Variants in LRFN5 observed in about 807,000 individuals in gnomAD.
LRFN5 encodes the protein leucine rich repeat and fibronectin type III domain containing 5.
A neutral mutation model predicts 45.6 loss-of-function variants in LRFN5; 24 were observed. The observed-to-expected ratio is 0.53, with a 90% CI of 0.38 to 0.74. The LOEUF is 0.74. Ranked by LOEUF, LRFN5 falls within the 30% of genes least tolerant of loss-of-function variation. The pLI, the probability that LRFN5 is intolerant of heterozygous loss-of-function variation, is 0.00. For missense variants in LRFN5, 776 were observed against 861.5 expected (o/e 0.90, Z 1.24); for synonymous variants, 340 against 313.8 (o/e 1.08, Z -0.88).
At chr14:41,700,977 T>C (rs973461297) in intron 1 of LRFN5, 4 of 152,234 alleles carry the variant, frequency 2.6e-5, no homozygotes, top group East Asian at 3.9e-4. Flanking sequence ...TCCTAGCTAA[T>C]ACAAAATGGA....
chr14:41,660,207 A>G (rs1340703705), intron 1 of LRFN5, among the ~76,000 whole-genome samples: 1 of 151,798 alleles, frequency 6.6e-6, no homozygotes, highest in Non-Finnish European at 1.5e-5. Flanking sequence ...TGTATTTTTA[A>G]TAGTGAGGAG....
intron 1 of LRFN5, among the ~76,000 whole-genome samples, chr14:41,710,491 G>C (rs1312236033): frequency 6.6e-6 from 1 of 151,994 alleles, no homozygotes; most frequent in African/African-American, 2.4e-5. Context: ...TGTTAATGTA[G>C]AGTAACAGCA....
intron 1 of LRFN5, among the ~76,000 whole-genome samples, chr14:41,761,847 T>C (rs1272405402): frequency 6.6e-6 from 1 of 152,162 alleles, no homozygotes; most frequent in Non-Finnish European, 1.5e-5. Flanking sequence ...AAAAGTACTT[T>C]GATAGCTCTG....
chr14:41,696,042 G>C (rs1008071789), intron 1 of LRFN5, among the ~76,000 whole-genome samples: 1 of 151,884 alleles, frequency 6.6e-6, no homozygotes, highest in Non-Finnish European at 1.5e-5. Context: ...ATATAACTTT[G>C]ACAGACATTT....
intron 2 of LRFN5, among the ~76,000 whole-genome samples, chr14:41,869,388 A>G (rs991584140): frequency 2.0e-5 from 3 of 151,778 alleles, no homozygotes; most frequent in African/African-American, 7.3e-5. Context: ...CGTTTCCTAA[A>G]TGTCAGTCTG....
chr14:41,689,677 G>A (rs1882277890), intron 1 of LRFN5, among the ~76,000 whole-genome samples: 2 of 151,378 alleles, frequency 1.3e-5, no homozygotes, highest in South Asian at 2.1e-4. Context: ...GGCGGATCAC[G>A]AGGTCAGGAG....
intron 1 of LRFN5, among the ~76,000 whole-genome samples, chr14:41,706,956 T>C (rs185482156): frequency 1.3e-5 from 2 of 152,264 alleles, no homozygotes; most frequent in Non-Finnish European, 2.9e-5. Flanking sequence ...GAAAATGGGC[T>C]GGAACTTTAA....
At chr14:41,894,868 G>C in intron 4 of LRFN5, 2 of 982,574 alleles carry the variant, frequency 2.0e-6, no homozygotes, top group Non-Finnish European at 2.4e-6. Context: ...TTTGCTTTCT[G>C]TCATTTATTA....
At chr14:41,673,907 C>T (rs1254313244) in intron 1 of LRFN5, among the ~76,000 whole-genome samples, 10 of 148,106 alleles carry the variant, frequency 6.8e-5, no homozygotes, top group Admixed American at 5.3e-4. Flanking sequence ...CTGATCCCCC[C>T]ACCTCCCTCC....
chr14:41,860,769 A>G (rs965851671), intron 2 of LRFN5, among the ~76,000 whole-genome samples: 12 of 152,276 alleles, frequency 7.9e-5, no homozygotes, highest in Middle Eastern at 3.4e-3. Context: ...TTTCTCCAGA[A>G]CTCCCTGGAG....
At chr14:41,731,298 C>T (rs1884166857) in intron 1 of LRFN5, 1 of 151,958 alleles carries the variant, frequency 6.6e-6, no homozygotes, top group Admixed American at 6.6e-5. Context: ...GAAATGCTCT[C>T]TCTCTCTCTC....
intron 1 of LRFN5, among the ~76,000 whole-genome samples, chr14:41,737,280 G>T (rs1884482357): frequency 6.6e-6 from 1 of 152,072 alleles, no homozygotes; most frequent in African/African-American, 2.4e-5. Flanking sequence ...ATGCTGAAAA[G>T]GTTTTTGATA....
At chr14:41,626,331 T>C (rs2138569557) in intron 1 of LRFN5, among the ~76,000 whole-genome samples, 1 of 152,254 alleles carries the variant, frequency 6.6e-6, no homozygotes, top group South Asian at 2.1e-4. Context: ...ATTATTTTTC[T>C]ATAAATAAAT....
At chr14:41,657,958 A>G (rs958834405) in intron 1 of LRFN5, among the ~76,000 whole-genome samples, 2 of 151,916 alleles carry the variant, frequency 1.3e-5, no homozygotes, top group Non-Finnish European at 2.9e-5. Context: ...ACCTATGTCA[A>G]CATTTTTTCA....
At chr14:41,668,851 T>C (rs770269113) in intron 1 of LRFN5, among the ~76,000 whole-genome samples, 1 of 152,154 alleles carries the variant, frequency 6.6e-6, no homozygotes, top group Admixed American at 6.5e-5. Context: ...CTTCATTCAG[T>C]ACTATGGATT....
chr14:41,858,491 C>T (rs1889550259), intron 2 of LRFN5, among the ~76,000 whole-genome samples: 1 of 149,788 alleles, frequency 6.7e-6, no homozygotes, highest in African/African-American at 2.5e-5. Context: ...AGAGGCATTG[C>T]TCTAGTAAGT....
chr14:41,614,273 G>C (rs764930495), intron 1 of LRFN5, among the ~76,000 whole-genome samples: 3 of 151,924 alleles, frequency 2.0e-5, no homozygotes, highest in Non-Finnish European at 4.4e-5. Context: ...TTTATTTTAC[G>C]TGGATAGATA....
At chr14:41,643,632 C>T (rs1879681194) in intron 1 of LRFN5, among the ~76,000 whole-genome samples, 3 of 151,986 alleles carry the variant, frequency 2.0e-5, no homozygotes, top group Admixed American at 1.3e-4. Context: ...ATTTCACATT[C>T]ATCTATAAAC....
intron 1 of LRFN5, among the ~76,000 whole-genome samples, chr14:41,662,337 G>C (rs540325886): frequency 1.3e-5 from 2 of 151,864 alleles, no homozygotes; most frequent in African/African-American, 4.8e-5. Flanking sequence ...TCTAATTCGG[G>C]ACTATTAACT....
Sources: allele counts gnomAD v4.1 joint callset (sites outside exome capture counted in the v4.1 genomes callset), GRCh38; gene constraint gnomAD v4.1.1; transcripts MANE v1.5; gene names NCBI Gene and HGNC (gene_info 2026-07-23, HGNC 2026-07-21).